C12orf56: variants seen among roughly 807,000 people sequenced by gnomAD.
C12orf56 encodes the protein chromosome 12 open reading frame 56.
Under a neutral mutation model 69.9 loss-of-function variants are expected in C12orf56, and 71 were observed. The ratio of observed to expected loss-of-function variants is 1.02; its 90% CI spans 0.84 to 1.24. The LOEUF (loss-of-function observed/expected upper bound fraction) is 1.24, where lower values mean the gene tolerates loss of function less well. C12orf56 is among the 50% of genes most tolerant of loss of function. C12orf56 has a pLI of 0.00. For synonymous variants in C12orf56, 276 were observed against 274.1 expected (o/e 1.01, Z -0.07); for missense variants, 732 against 738.5 (o/e 0.99, Z 0.10).
chr12:64,337,633 G>A (rs1259424810), intron 2 of C12orf56, among the ~76,000 whole-genome samples: 2 of 152,120 alleles, frequency 1.3e-5, no homozygotes, highest in East Asian at 1.9e-4. Flanking sequence ...GAGGCAGGTG[G>A]ATCATTTGAG....
At chr12:64,379,871 C>T (rs2039688172) in intron 1 of C12orf56, among the ~76,000 whole-genome samples, 1 of 145,302 alleles carries the variant, frequency 6.9e-6, no homozygotes, top group Non-Finnish European at 1.5e-5. Flanking sequence ...ATCACAAGGT[C>T]AGGAGATCCA....
intron 6 of C12orf56, among the ~76,000 whole-genome samples, chr12:64,298,664 C>T (rs988422745): frequency 6.6e-6 from 1 of 152,168 alleles, no homozygotes; most frequent in Non-Finnish European, 1.5e-5. Context: ...TTGTTTGTGT[C>T]AGGTTTGTCA....
chr12:64,386,197 C>A (rs2039786252), intron 1 of C12orf56, among the ~76,000 whole-genome samples: 1 of 151,920 alleles, frequency 6.6e-6, no homozygotes, highest in Non-Finnish European at 1.5e-5. Flanking sequence ...CCCCTCTCTT[C>A]CACCTTTTTT....
chr12:64,390,554 G>A lies in C12orf56; in HGVS notation c.12C>T (p.Pro4=). The A allele has an allele frequency of 6.3e-7, 1 of 1,585,390 alleles. No individual in the cohort carries two copies. The highest frequency in any genetic ancestry group is 8.5e-7 in the Non-Finnish European group (1 of 1,171,926). The change falls in exon 1 of 13, where the codon CCC becomes CCT. Residue 4 remains proline, a synonymous_variant. Transcript: ENST00000543942. MAS[P]LPSGFPARRN... is the part of the protein sequence containing the mutation. ...TGCGCGCGGGGAAGCCGGACGGCAA[G>A]GGGCTGGCCATGCCCGGCGCCCGCA...
intron 8 of C12orf56, among the ~76,000 whole-genome samples, chr12:64,283,427 C>T (rs181267064): frequency 7.9e-5 from 12 of 151,966 alleles, no homozygotes; most frequent in African/African-American, 2.7e-4. Flanking sequence ...ATGCTACTGT[C>T]CCCCCCTATA....
intron 2 of C12orf56, chr12:64,338,598 G>T: frequency 6.3e-7 from 1 of 1,584,010 alleles, no homozygotes; most frequent in Non-Finnish European, 8.7e-7. Context: ...TTCTTCTGCT[G>T]CTCAATCTGT....
chr12:64,340,818 G>C (rs1398818852), intron 2 of C12orf56, among the ~76,000 whole-genome samples: 1 of 152,158 alleles, frequency 6.6e-6, no homozygotes, highest in African/African-American at 2.4e-5. Flanking sequence ...TTTGCCTTCA[G>C]CAAGCACCTC....
chr12:64,286,751 T>A (rs1341954356), intron 6 of C12orf56, among the ~76,000 whole-genome samples: 3 of 152,312 alleles, frequency 2.0e-5, no homozygotes, highest in African/African-American at 7.2e-5. Flanking sequence ...TATTGTTCGT[T>A]TTTTCCCCAG....
Position 64,369,291 on chromosome 12 carries a change from G to A in C12orf56, c.253-16235C>T, listed in dbSNP as rs533449842. ...TGGCTCACTGCAACCTCTGCCTCCC[G>A]GGTTCAAATGATTCTCCTGCCTCAG... is the stretch of plus-strand genomic sequence containing the variant. On this transcript the variant is annotated intron_variant, in intron 1 of 12. Transcript: ENST00000543942. Among the ~76,000 whole-genome samples, 8 of 152,098 alleles carry A rather than the reference G, an allele frequency of 5.3e-5. 1 individual carries two copies. The East Asian group carries it at 1.2e-3, about 22-fold the overall frequency.
chr12:64,351,910 T>C (rs553265455), intron 2 of C12orf56, among the ~76,000 whole-genome samples: 1 of 151,374 alleles, frequency 6.6e-6, no homozygotes, highest in South Asian at 2.1e-4. Flanking sequence ...TCCTTCTCTG[T>C]CCTCGCTTCA....
chr12:64,301,647 A>G (rs1214279881), intron 6 of C12orf56, among the ~76,000 whole-genome samples: 1 of 152,214 alleles, frequency 6.6e-6, no homozygotes, highest in African/African-American at 2.4e-5. Flanking sequence ...CTTAGAAGGT[A>G]TATAAGCTCT....
intron 1 of C12orf56, among the ~76,000 whole-genome samples, chr12:64,386,526 A>G (rs556150543): frequency 1.3e-5 from 2 of 151,974 alleles, no homozygotes; most frequent in South Asian, 4.2e-4. Context: ...CCTCCCAAGT[A>G]GCTGGCGTTA....
At chr12:64,274,192 C>T (rs2038023373) in intron 11 of C12orf56, among the ~76,000 whole-genome samples, 1 of 151,858 alleles carries the variant, frequency 6.6e-6, no homozygotes, top group South Asian at 2.1e-4. Context: ...GAAAGCATTT[C>T]CAATGGAGAG....
Position 64,386,400 on chromosome 12 carries a change from T to TATATA in C12orf56, c.252+3913_252+3914insTATAT, listed in dbSNP as rs1565786009. ...GGCTAATTTTTATATATATATATAT[T>TATATA]TTTTTTTTTTTTTGAGACGGAGTTC... On this transcript the variant is annotated intron_variant, in intron 1 of 12. Coordinates refer to ENST00000543942, the MANE Select transcript of C12orf56 (RefSeq NM_001170633.2). 5.1e-4 allele frequency among the ~76,000 whole-genome samples: 51 copies of TATATA among 99,234 alleles called. 1 individual carries two copies. The highest frequency in any genetic ancestry group is 4.8e-3 in the East Asian group (11 of 2,306). 65.1% of individuals were successfully genotyped at this position (99,234 alleles called of 152,430 possible).
intron 6 of C12orf56, among the ~76,000 whole-genome samples, chr12:64,292,953 C>A (rs1227126157): frequency 6.9e-6 from 1 of 144,968 alleles, no homozygotes; most frequent in Non-Finnish European, 1.5e-5. Context: ...CCCCCAGCCT[C>A]GCTGCCGCCT....
chr12:64,338,700 C>T, intron 2 of C12orf56: 4 of 1,549,416 alleles, frequency 2.6e-6, no homozygotes, highest in East Asian at 2.2e-5. Context: ...TCTGCCTTTG[C>T]ATCTATTCCT....
chr12:64,313,458 G>C (rs1474202529), intron 4 of C12orf56, among the ~76,000 whole-genome samples: 1 of 151,574 alleles, frequency 6.6e-6, no homozygotes, highest in Admixed American at 6.6e-5. Flanking sequence ...GAGGCAGGTG[G>C]ATCAAAAGAG....
chr12:64,285,952 A>G lies in C12orf56; in HGVS notation c.1220+2T>C. ...ATCGATGATTATCTAGTTAGTACTT[A>G]CACCAGCTCATCAACCCTTTGGCTT... On this transcript the variant is annotated splice_donor_variant, in intron 7 of 12. Coordinates refer to ENST00000543942, the MANE Select transcript of C12orf56 (RefSeq NM_001170633.2). LOFTEE classifies it high-confidence loss of function. The G allele has an allele frequency of 6.4e-7, 1 of 1,574,284 alleles. No homozygotes were observed. Among genetic ancestry groups the G allele is most frequent in the South Asian group, 1.2e-5 (1 of 86,696 alleles).
At chr12:64,325,642 A>C (rs2038829410) in intron 3 of C12orf56, among the ~76,000 whole-genome samples, 1 of 152,180 alleles carries the variant, frequency 6.6e-6, no homozygotes, top group Non-Finnish European at 1.5e-5. Context: ...TGGAACTGAA[A>C]TTGATGAGTT....
Sources: allele counts gnomAD v4.1 joint callset (sites outside exome capture counted in the v4.1 genomes callset), GRCh38; gene constraint gnomAD v4.1.1; transcripts MANE v1.5; gene names NCBI Gene and HGNC (gene_info 2026-07-23, HGNC 2026-07-21).